PLCB1: variants seen among roughly 807,000 people sequenced by gnomAD.
PLCB1 encodes 1-phosphatidylinositol 4,5-bisphosphate phosphodiesterase beta-1.
A neutral mutation model predicts 161.8 loss-of-function variants in PLCB1; 46 were observed. The observed-to-expected ratio is 0.28, with a 90% CI of 0.22 to 0.36. The LOEUF is 0.36. Among genes scored for constraint, PLCB1 ranks in the 10% least tolerant of loss-of-function variants. The pLI, the probability that PLCB1 is intolerant of heterozygous loss-of-function variation, is 1.00. For missense variants in PLCB1, 1,016 were observed against 1,472.5 expected (o/e 0.69, Z 5.07); for synonymous variants, 517 against 503.7 (o/e 1.03, Z -0.35).
At chr20:8,162,344 T>C (rs577712544) in intron 2 of PLCB1, among the ~76,000 whole-genome samples, 3 of 152,320 alleles carry the variant, frequency 2.0e-5, no homozygotes, top group African/African-American at 7.2e-5. Context: ...CTTATATAAC[T>C]ATTTTATTTT....
chr20:8,781,417 AACACAC>A (rs745610188), intron 27 of PLCB1, among the ~76,000 whole-genome samples: 133 of 28,142 alleles, frequency 4.7e-3, no homozygotes, highest in Admixed American at 7.6e-3. Context: ...CACACACACA[AACACAC>A]ACACACACAC....
intron 2 of PLCB1, among the ~76,000 whole-genome samples, chr20:8,305,398 CA>C (rs1984086493): frequency 6.6e-6 from 1 of 152,130 alleles, no homozygotes; most frequent in Non-Finnish European, 1.5e-5. Context: ...TCTTTCTGAG[CA>C]AAATACTCTT....
intron 3 of PLCB1, among the ~76,000 whole-genome samples, chr20:8,514,656 C>T (rs148781057): frequency 2.4e-4 from 37 of 152,126 alleles, no homozygotes; most frequent in African/African-American, 7.5e-4. Context: ...AGAGTAAAGC[C>T]GTTTCATTTC....
intron 3 of PLCB1, among the ~76,000 whole-genome samples, chr20:8,439,590 G>A (rs957130794): frequency 2.6e-5 from 4 of 152,096 alleles, no homozygotes; most frequent in Admixed American, 6.5e-5. Context: ...AAGTTGTGTC[G>A]TATTTAGAAA....
intron 2 of PLCB1, among the ~76,000 whole-genome samples, chr20:8,288,256 A>G (rs1983218640): frequency 6.6e-6 from 1 of 151,928 alleles, no homozygotes; most frequent in South Asian, 2.1e-4. Flanking sequence ...GAGGCTACAA[A>G]AAAATGAGAA....
In PLCB1 at chr20:8,132,894, G is replaced by A. The variant is rs1025057720; in HGVS notation, c.99+144G>A. 2.5e-5 allele frequency: 16 copies of A among 634,482 alleles called. No homozygotes were observed. The highest frequency in any genetic ancestry group is 2.4e-4 in the African/African-American group (13 of 53,646). 39.3% of individuals were successfully genotyped at this position (634,482 alleles called of 1,614,324 possible). A position where few individuals can be genotyped will look rare whatever the true frequency, so the allele number is the denominator to read the frequency against. ...GCCTCGGGCGCACAGGTTGGCATCTGCCAAAGCGGATGTCCAAGGGCAGAA... is the reference window on the plus strand; with the variant it reads ...GCCTCGGGCGCACAGGTTGGCATCTACCAAAGCGGATGTCCAAGGGCAGAA... On this transcript the variant is annotated intron_variant, in intron 1 of 31. Coordinates refer to ENST00000338037, the MANE Select transcript of PLCB1 (RefSeq NM_015192.4). The surrounding 1 kb of genome is among the most constrained non-coding windows in gnomAD (Gnocchi z 5.2).
intron 31 of PLCB1, among the ~76,000 whole-genome samples, chr20:8,837,327 G>A (rs1986327168): frequency 1.3e-5 from 2 of 152,126 alleles, no homozygotes; most frequent in African/African-American, 4.8e-5. Flanking sequence ...CTCCAAATAA[G>A]TATTAAGTAT....
intron 3 of PLCB1, among the ~76,000 whole-genome samples, chr20:8,488,055 A>G (rs1982804579): frequency 6.6e-6 from 1 of 152,194 alleles, no homozygotes; most frequent in Non-Finnish European, 1.5e-5. Flanking sequence ...CCTCTATTCG[A>G]AGTCTTACTA....
intron 2 of PLCB1, among the ~76,000 whole-genome samples, chr20:8,185,663 G>A (rs932342623): frequency 5.3e-5 from 8 of 151,808 alleles, no homozygotes; most frequent in African/African-American, 1.9e-4. Context: ...GACAGGAGAG[G>A]AAGGGCACTG....
chr20:8,656,738 TGTCTGTCTCTAGG>T (rs1378666576), intron 7 of PLCB1, among the ~76,000 whole-genome samples: 1 of 150,928 alleles, frequency 6.6e-6, no homozygotes, highest in Non-Finnish European at 1.5e-5. Flanking sequence ...ATTTTGACTA[TGTCTGTCTCTAGG>T]GTCATTACTT....
chr20:8,768,565 A>G (rs921262043), intron 26 of PLCB1, among the ~76,000 whole-genome samples: 1 of 152,180 alleles, frequency 6.6e-6, no homozygotes, highest in Non-Finnish European at 1.5e-5. Flanking sequence ...AATCACTTCT[A>G]TGTACTATTC....
At chr20:8,148,833 T>C (rs2051480801) in intron 1 of PLCB1, among the ~76,000 whole-genome samples, 1 of 152,166 alleles carries the variant, frequency 6.6e-6, no homozygotes, top group Non-Finnish European at 1.5e-5. Flanking sequence ...ATATAACTAC[T>C]TAGAATACTC....
intron 3 of PLCB1, among the ~76,000 whole-genome samples, chr20:8,528,438 A>T (rs933917635): frequency 3.3e-5 from 5 of 152,110 alleles, no homozygotes; most frequent in Non-Finnish European, 7.4e-5. Flanking sequence ...CATTCATAAC[A>T]GGTTACATTC....
intron 2 of PLCB1, among the ~76,000 whole-genome samples, chr20:8,199,587 AT>A (rs1229573637): frequency 6.6e-6 from 1 of 152,086 alleles, no homozygotes; most frequent in East Asian, 1.9e-4. Flanking sequence ...TTATTTGGTG[AT>A]TTGTTGCTTA....
At chr20:8,636,939 C>T (rs1988779956) in intron 4 of PLCB1, among the ~76,000 whole-genome samples, 1 of 151,984 alleles carries the variant, frequency 6.6e-6, no homozygotes, top group South Asian at 2.1e-4. Flanking sequence ...TTCTGCATAC[C>T]TCCATCTGCC....
intron 14 of PLCB1, among the ~76,000 whole-genome samples, chr20:8,718,113 G>A (rs1025479302): frequency 6.6e-6 from 1 of 152,002 alleles, no homozygotes; most frequent in Admixed American, 6.6e-5. Context: ...CCAGCTACTC[G>A]GGAGGCTGAG....
At chr20:8,181,217 C>T (rs2051839473) in intron 2 of PLCB1, among the ~76,000 whole-genome samples, 2 of 144,314 alleles carry the variant, frequency 1.4e-5, no homozygotes, top group Admixed American at 1.4e-4. Flanking sequence ...CCACTGCACT[C>T]CAGCCTGGCC....
chr20:8,823,597 T>C (rs1384638095), intron 31 of PLCB1, among the ~76,000 whole-genome samples: 1 of 152,238 alleles, frequency 6.6e-6, no homozygotes, highest in Non-Finnish European at 1.5e-5. Flanking sequence ...CATATTCAAC[T>C]ATTGATATTT....
At position 8,198,395 on chromosome 20, in the gene PLCB1, C is replaced by T. The variant is rs61526599; in HGVS notation, c.177+48024C>T. Among the ~76,000 whole-genome samples the T allele has an allele frequency of 6.6e-3, 1,011 of 152,158 alleles. 17 individuals are homozygous for T. The highest frequency in any genetic ancestry group is 0.023 in the African/African-American group (946 of 41,518). The stretch of plus-strand genomic sequence containing the variant: ...CTTCACATCCCTTGTAAGTTGGATT[C>T]CTAGCTATTTTCTGTAGAACCTCTT... On this transcript the variant is annotated intron_variant, in intron 2 of 31. Transcript: ENST00000338037.
Sources: allele counts gnomAD v4.1 joint callset (sites outside exome capture counted in the v4.1 genomes callset), GRCh38; gene constraint gnomAD v4.1.1; non-coding constraint Gnocchi (gnomAD v3.1); transcripts MANE v1.5; gene names NCBI Gene and HGNC (gene_info 2026-07-23, HGNC 2026-07-21).